CATSPER3: variants seen among roughly 807,000 people sequenced by gnomAD.
CATSPER3 encodes cation channel sperm associated 3.
In CATSPER3, 23 loss-of-function variants were observed where a neutral mutation model predicts 36.6. That is an observed-to-expected ratio of 0.63 (90% CI 0.45 to 0.89). The LOEUF (loss-of-function observed/expected upper bound fraction) is 0.89, where lower values mean the gene tolerates loss of function less well. Ranked by LOEUF, CATSPER3 falls within the 40% of genes least tolerant of loss-of-function variation. CATSPER3 has a pLI of 0.00. For missense variants in CATSPER3, 474 were observed against 503.9 expected (o/e 0.94, Z 0.57); for synonymous variants, 172 against 184.1 (o/e 0.93, Z 0.53).
chr5:134,982,776 A>G (rs1276787704), intron 2 of CATSPER3, among the ~76,000 whole-genome samples: 1 of 152,238 alleles, frequency 6.6e-6, no homozygotes, highest in Non-Finnish European at 1.5e-5. Context: ...AGGCAACTGC[A>G]TCAGTAAATA....
rs771059196 is a variant in CATSPER3 at position 135,010,509 on chromosome 5, A to G, written c.1073A>G (p.Tyr358Cys). The G allele has an allele frequency of 6.2e-7, 1 of 1,614,136 alleles. No homozygotes were observed. The highest frequency in any genetic ancestry group is 1.1e-5 in the South Asian group (1 of 91,086). Residue 358 changes from tyrosine to cysteine, a missense_variant, in exon 7 of 8, where the codon TAC becomes TGC. Transcript: ENST00000282611. Reference sequence around the variant, plus strand: ...GATATCTACTTTTCCACTCTGGACTACCAGGACACAACTGTCCACAAGTCA... The same window carrying G: ...GATATCTACTTTTCCACTCTGGACTGCCAGGACACAACTGTCCACAAGTCA... ...FIDIYFSTLDYQDTTVHKLQE... is the reference protein window; with the variant it reads ...FIDIYFSTLDCQDTTVHKLQE...
intron 2 of CATSPER3, among the ~76,000 whole-genome samples, chr5:134,976,336 A>G (rs888664352): frequency 6.6e-6 from 1 of 151,930 alleles, no homozygotes; most frequent in Non-Finnish European, 1.5e-5. Flanking sequence ...AACAAAAACA[A>G]AACCCCACCC....
chr5:134,969,041 A>T (rs1223810793), intron 1 of CATSPER3: 1 of 152,224 alleles, frequency 6.6e-6, no homozygotes, highest in East Asian at 1.9e-4. Flanking sequence ...ACATTTTTCT[A>T]AATCCTGAAA....
chr5:134,999,590 A>G (rs1751995086), intron 3 of CATSPER3, among the ~76,000 whole-genome samples: 1 of 152,170 alleles, frequency 6.6e-6, no homozygotes, highest in Non-Finnish European at 1.5e-5. Context: ...TTCACTGGGC[A>G]GTGGTTTGTA....
rs534516066 is a variant in CATSPER3 at position 134,979,582 on chromosome 5, C to G, written c.252+9490C>G. Among the ~76,000 whole-genome samples the G allele has an allele frequency of 1.3e-4, 20 of 152,298 alleles. No homozygotes were observed. In the South Asian group the frequency reaches 4.1e-3, roughly 32 times the overall value. The stretch of plus-strand genomic sequence containing the variant: ...GGAATTTCTTACAAACATTAAAAGG[C>G]ATGTGAACAGTCTATTGCTGCCTGG... On this transcript the variant is annotated intron_variant, in intron 2 of 7. Coordinates refer to ENST00000282611, the MANE Select transcript of CATSPER3 (RefSeq NM_178019.3).
At position 135,009,446 on chromosome 5, in the gene CATSPER3, C is replaced by T. The variant is rs370006694; in HGVS notation, c.892C>T (p.Leu298=). 1.2e-4 allele frequency: 186 copies of T among 1,613,160 alleles called. No individual in the cohort carries two copies. In the East Asian group the frequency reaches 1.6e-3, roughly 14 times the overall value. The change falls in exon 6 of 8, where the codon CTG becomes TTG. Residue 298 remains leucine (L), a synonymous_variant. Transcript: ENST00000282611. ...EMLMGEKQVI[L]QRQQEEISRL... is the part of the protein sequence containing the mutation. The stretch of plus-strand genomic sequence containing the variant: ...GCTCATGGGAGAGAAGCAGGTGATT[C>T]TGCAGCGGCAGCAGGAGGAGATCAG...
At chr5:134,976,613 T>C (rs950164635) in intron 2 of CATSPER3, among the ~76,000 whole-genome samples, 4 of 152,136 alleles carry the variant, frequency 2.6e-5, no homozygotes, top group African/African-American at 9.7e-5. Flanking sequence ...TTCCCAGAGC[T>C]CCACTAGGCA....
intron 3 of CATSPER3, among the ~76,000 whole-genome samples, chr5:135,004,442 T>C (rs1463134360): frequency 6.6e-6 from 1 of 152,114 alleles, no homozygotes; most frequent in Admixed American, 6.5e-5. Context: ...GAAGGGAGTA[T>C]GTAAGGTGCT....
At chr5:135,005,086 T>G (rs1247763162) in intron 3 of CATSPER3, among the ~76,000 whole-genome samples, 1 of 151,998 alleles carries the variant, frequency 6.6e-6, no homozygotes, top group Non-Finnish European at 1.5e-5. Context: ...AAAGGACTGG[T>G]GGCAGGGAGG....
At chr5:134,994,975 T>C (rs804883) in intron 2 of CATSPER3, among the ~76,000 whole-genome samples, 73,165 of 150,716 alleles carry the variant, frequency 0.49, 19,105 homozygotes, top group East Asian at 0.78. Context: ...CTCTGCCTCC[T>C]TTCTTTCTTT....
At chr5:134,994,624 T>C (rs1010077122) in intron 2 of CATSPER3, among the ~76,000 whole-genome samples, 1 of 152,210 alleles carries the variant, frequency 6.6e-6, no homozygotes, top group Non-Finnish European at 1.5e-5. Flanking sequence ...ATCTTAAAAA[T>C]GTAAATTAGT....
intron 2 of CATSPER3, among the ~76,000 whole-genome samples, chr5:134,970,310 C>T (rs568683091): frequency 3.9e-5 from 6 of 152,084 alleles, no homozygotes; most frequent in East Asian, 1.9e-4. Flanking sequence ...TATAGGCACC[C>T]GCCACCACGC....
At chr5:134,994,334 A>G (rs1055934890) in intron 2 of CATSPER3, among the ~76,000 whole-genome samples, 18 of 152,238 alleles carry the variant, frequency 1.2e-4, no homozygotes, top group African/African-American at 3.9e-4. Flanking sequence ...AAAATGCCCA[A>G]CTTTATTAAT....
intron 1 of CATSPER3, 73 bp from the exon 2 acceptor site, chr5:134,969,866 A>C: frequency 6.7e-7 from 1 of 1,500,264 alleles, no homozygotes; most frequent in Non-Finnish European, 9.3e-7. Context: ...TTGTCCCTAC[A>C]AAAAGGTATG....
At chr5:135,009,127 C>A (rs1232478784) in intron 5 of CATSPER3, 146 bp downstream of exon 5, 1 of 1,134,522 alleles carries the variant, frequency 8.8e-7, no homozygotes, top group Non-Finnish European at 1.3e-6. Flanking sequence ...CTGTCCCTCA[C>A]CCGGCCCAAC....
intron 2 of CATSPER3, among the ~76,000 whole-genome samples, chr5:134,985,854 G>A (rs2149548294): frequency 6.6e-6 from 1 of 151,752 alleles, no homozygotes; most frequent in Non-Finnish European, 1.5e-5. Flanking sequence ...AGCCATGACT[G>A]TGTCACTGCA....
At chr5:134,983,599 C>A (rs1022447530) in intron 2 of CATSPER3, among the ~76,000 whole-genome samples, 1 of 151,942 alleles carries the variant, frequency 6.6e-6, no homozygotes, top group African/African-American at 2.4e-5. Context: ...AAAAGATATT[C>A]CAAACAAATA....
rs372662107 is a variant in CATSPER3, at chr5:134,977,482, CTCCACATTTCCATCTGAG to C, written c.252+7391_252+7408del. On this transcript the variant is annotated intron_variant, in intron 2 of 7. Transcript: ENST00000282611. ...GACCTTTATTGTAGTTCTCAATAGA[CTCCACATTTCCATCTGAG>C]ACCTCATCAGCCTGGGCTTCACTGT... Among the ~76,000 whole-genome samples the C allele has an allele frequency of 8.7e-3, 1,322 of 152,278 alleles. 11 individuals carry two copies. The highest frequency in any genetic ancestry group is 0.03 in the African/African-American group (1,258 of 41,566).
chr5:135,009,016 C>T, intron 5 of CATSPER3, 35 bp downstream of exon 5: 3 of 1,613,594 alleles, frequency 1.9e-6, no homozygotes, highest in African/African-American at 1.3e-5. Context: ...GAGGTCAGGG[C>T]AGGTGTGGCA....
Sources: gnomAD v4.1 joint callset for allele counts (sites outside exome capture counted in the v4.1 genomes callset) on GRCh38, gnomAD v4.1.1 for gene constraint, MANE v1.5 for transcripts, NCBI Gene and HGNC (gene_info 2026-07-23, HGNC 2026-07-21) for gene names.